PLPBP: variants seen among roughly 807,000 people sequenced by gnomAD.
The protein encoded by PLPBP is pyridoxal phosphate binding protein.
Under a neutral mutation model 31.2 loss-of-function variants are expected in PLPBP, and 21 were observed. The observed-to-expected ratio is 0.67, with a 90% CI of 0.48 to 0.97. The LOEUF (loss-of-function observed/expected upper bound fraction) is 0.97, where lower values mean the gene tolerates loss of function less well. PLPBP is among the 50% of genes least tolerant of loss of function. PLPBP has a pLI of 0.00. For missense variants in PLPBP, 308 were observed against 354.4 expected, an observed-to-expected ratio of 0.87 and a Z score of 1.05; for synonymous variants, 124 against 135.6, an observed-to-expected ratio of 0.91 and a Z score of 0.59.
At chr8:37,770,981 TC>T (rs1234001685) in intron 4 of PLPBP, among the ~76,000 whole-genome samples, 1 of 152,146 alleles carries the variant, frequency 6.6e-6, no homozygotes, top group African/African-American at 2.4e-5. Context: ...AGTGCCATTT[TC>T]CCTTCTGGAT....
At chr8:37,775,000 C>T (rs185488739) in intron 5 of PLPBP, 8 of 174,050 alleles carry the variant, frequency 4.6e-5, no homozygotes, top group Admixed American at 1.2e-4. Flanking sequence ...AAGTAATTCT[C>T]AGGTTCATCT....
chr8:37,765,665 C>T, intron 2 of PLPBP, 32 bp downstream of exon 2: 4 of 1,614,184 alleles, frequency 2.5e-6, no homozygotes, highest in Non-Finnish European at 3.4e-6. Flanking sequence ...CCTTTGGAAG[C>T]ATCATGATTG....
intron 6 of PLPBP, 112 bp from the exon 7 acceptor site, chr8:37,775,806 G>T: frequency 8.7e-7 from 1 of 1,147,838 alleles, no homozygotes; most frequent in Non-Finnish European, 1.3e-6. Flanking sequence ...ATTTTGGCAG[G>T]CCTTGAAATC....
chr8:37,765,577 G>T lies in PLPBP; in HGVS notation c.151G>T (p.Ala51Ser). Residue 51 changes from alanine to serine, a missense_variant, in exon 2 of 8, where the codon GCA becomes TCA. Coordinates refer to ENST00000328195, the MANE Select transcript of PLPBP (RefSeq NM_007198.4). ...RLVAVSKTKP[A>S]DMVIEAYGHG... ...AGTGGCGGTCAGCAAAACCAAACCT[G>T]CAGACATGGTGATCGAGGCCTATGG... 1 of 1,614,038 alleles carries T rather than the reference G, an allele frequency of 6.2e-7. No individual in the cohort carries two copies.
In PLPBP at chr8:37,778,924, A is replaced by C. The variant is rs1471138796; in HGVS notation, c.*820A>C. 4 of 152,162 alleles carry C rather than the reference A, an allele frequency of 2.6e-5. No individual in the cohort carries two copies. The highest frequency in any genetic ancestry group is 5.9e-5 in the Non-Finnish European group (4 of 68,038). The allele number at this position is 152,162 out of a possible 1,614,324, so 9.4% of individuals were successfully genotyped here. On this transcript the variant is annotated 3_prime_UTR_variant, in exon 8 of 8. Coordinates refer to ENST00000328195, the MANE Select transcript of PLPBP (RefSeq NM_007198.4). ...ACCACTGTACTCCTGCCTTAAAAAA[A>C]AAAAAAAAATCCCAATAGTCCATGA... is the stretch of plus-strand genomic sequence containing the variant.
At chr8:37,776,502 A>AAC in intron 7 of PLPBP, among the ~76,000 whole-genome samples, 3 of 150,614 alleles carry the variant, frequency 2.0e-5, no homozygotes, top group Non-Finnish European at 3.0e-5. Context: ...AAAAAAAAAA[A>AAC]ACAAAAGAAA....
chr8:37,763,797 A>G (rs1303430246), intron 1 of PLPBP, among the ~76,000 whole-genome samples: 2 of 152,194 alleles, frequency 1.3e-5, no homozygotes, highest in African/African-American at 4.8e-5. Context: ...AGGAAGGAAG[A>G]GGAGACATTT....
chr8:37,764,071 C>CTTTTTTTTTT (rs111913973), intron 1 of PLPBP, among the ~76,000 whole-genome samples: 4 of 126,864 alleles, frequency 3.2e-5, no homozygotes, highest in African/African-American at 2.9e-5. Context: ...TCTTTTCTTT[C>CTTTTTTTTTT]TTTTTTTTTT....
intron 6 of PLPBP, 84 bp downstream of exon 6, chr8:37,775,565 T>G (rs1329344931): frequency 1.3e-6 from 2 of 1,570,842 alleles, no homozygotes; most frequent in South Asian, 1.2e-5. Flanking sequence ...CAGTGGGGAT[T>G]GCAGAGTCAT....
chr8:37,763,232 G>C (rs1803531403), intron 1 of PLPBP, among the ~76,000 whole-genome samples: 1 of 152,210 alleles, frequency 6.6e-6, no homozygotes, highest in African/African-American at 2.4e-5. Flanking sequence ...GGACTGGCCG[G>C]ACTTCGCTGG....
At chr8:37,776,859 CA>C (rs1302062810) in intron 7 of PLPBP, among the ~76,000 whole-genome samples, 2 of 152,084 alleles carry the variant, frequency 1.3e-5, no homozygotes, top group Non-Finnish European at 1.5e-5. Context: ...CTCCACCTCC[CA>C]GGTTCAAGTG....
At chr8:37,777,745 G>A (rs946253172) in intron 7 of PLPBP, among the ~76,000 whole-genome samples, 2 of 152,038 alleles carry the variant, frequency 1.3e-5, no homozygotes, top group Non-Finnish European at 2.9e-5. Flanking sequence ...GGCTAATTTT[G>A]TATTTTTAAT....
intron 1 of PLPBP, 25 bp downstream of exon 1, chr8:37,762,783 C>G: frequency 6.5e-7 from 1 of 1,538,606 alleles, no homozygotes; most frequent in Non-Finnish European, 8.7e-7. Context: ...TGCGTGGGGA[C>G]GGTGGGCGGC....
chr8:37,770,797 C>T (rs773273750), intron 4 of PLPBP, among the ~76,000 whole-genome samples: 1 of 152,012 alleles, frequency 6.6e-6, no homozygotes, highest in African/African-American at 2.4e-5. Context: ...GGCTGGTCTC[C>T]AATTCCTGAC....
At chr8:37,763,329 T>C (rs1048670924) in intron 1 of PLPBP, among the ~76,000 whole-genome samples, 3 of 152,180 alleles carry the variant, frequency 2.0e-5, no homozygotes, top group African/African-American at 7.2e-5. Flanking sequence ...TGTGTATATA[T>C]ATATTACATC....
intron 6 of PLPBP, 29 bp from the exon 7 acceptor site, chr8:37,775,889 G>A (rs769788073): frequency 6.4e-7 from 1 of 1,571,362 alleles, no homozygotes. Flanking sequence ...GAAGGCAGGA[G>A]TAAAATAGGT....
At chr8:37,766,962 G>T (rs143116830) in intron 4 of PLPBP, among the ~76,000 whole-genome samples, 3 of 144,692 alleles carry the variant, frequency 2.1e-5, no homozygotes, top group East Asian at 4.2e-4. Context: ...CAGGAGAATC[G>T]CATGAACCCG....
intron 4 of PLPBP, among the ~76,000 whole-genome samples, chr8:37,767,284 A>G (rs1349486845): frequency 2.0e-5 from 3 of 152,206 alleles, no homozygotes; most frequent in Admixed American, 1.3e-4. Flanking sequence ...CACAACAAAC[A>G]GTGAGCATAT....
chr8:37,768,750 G>A (rs1803701307), intron 4 of PLPBP, among the ~76,000 whole-genome samples: 1 of 152,198 alleles, frequency 6.6e-6, no homozygotes, highest in Non-Finnish European at 1.5e-5. Context: ...TGGGATTACA[G>A]GCGTGAGCCA....
Sources: gnomAD v4.1 joint callset for allele counts (sites outside exome capture counted in the v4.1 genomes callset) on GRCh38, gnomAD v4.1.1 for gene constraint, MANE v1.5 for transcripts, NCBI Gene and HGNC (gene_info 2026-07-23, HGNC 2026-07-21) for gene names.